Variants in CAST observed in about 807,000 individuals in gnomAD.
The protein encoded by CAST is calpastatin.
A neutral mutation model predicts 119.6 loss-of-function variants in CAST; 76 were observed. The ratio of observed to expected loss-of-function variants is 0.64; its 90% confidence interval spans 0.53 to 0.77. The LOEUF (loss-of-function observed/expected upper bound fraction) is 0.77. Among genes scored for constraint, CAST ranks in the 30% least tolerant of loss-of-function variants. The pLI is 0.00. For missense variants in CAST, 953 were observed against 946.5 expected, an observed-to-expected ratio of 1.01 and a Z score of -0.09; for synonymous variants, 319 against 331.6, an observed-to-expected ratio of 0.96 and a Z score of 0.41.
intron 25 of CAST, chr5:96,763,312 T>A: frequency 3.9e-6 from 3 of 777,662 alleles, no homozygotes; most frequent in Non-Finnish European, 7.2e-6. Flanking sequence ...TCCTGGATTA[T>A]AATAAAGCAC....
chr5:96,230,255 G>A, the CAST span, among the ~76,000 whole-genome samples: 1 of 152,146 alleles, frequency 6.6e-6, no homozygotes, highest in South Asian at 2.1e-4. Context: ...CTAGGCAGAG[G>A]CACAAAGTCT....
At chr5:96,463,455 G>A in the CAST span, among the ~76,000 whole-genome samples, 2 of 151,914 alleles carry the variant, frequency 1.3e-5, no homozygotes, top group African/African-American at 4.8e-5. Context: ...CACATTGCAG[G>A]GAAAACACAG....
At chr5:96,724,604 G>A (rs1758906319) in intron 4 of CAST, among the ~76,000 whole-genome samples, 2 of 152,154 alleles carry the variant, frequency 1.3e-5, no homozygotes, top group African/African-American at 4.8e-5. Flanking sequence ...GTCAAGGTGG[G>A]AGGATCGCTT....
the CAST span, among the ~76,000 whole-genome samples, chr5:96,046,315 A>G: frequency 6.6e-6 from 1 of 152,154 alleles, no homozygotes; most frequent in Non-Finnish European, 1.5e-5. Flanking sequence ...AAAGAAAGAA[A>G]TAGAACAAGG....
the CAST span, among the ~76,000 whole-genome samples, chr5:96,455,485 A>G: frequency 1.3e-5 from 2 of 152,246 alleles, no homozygotes; most frequent in Non-Finnish European, 2.9e-5. Flanking sequence ...AATTAAAAAG[A>G]GTTTCATTTG....
At chr5:96,092,758 C>T in the CAST span, among the ~76,000 whole-genome samples, 4 of 152,168 alleles carry the variant, frequency 2.6e-5, no homozygotes, top group Non-Finnish European at 4.4e-5. Context: ...CTCTTAAATT[C>T]TACTTTTCAG....
At chr5:96,361,535 G>A in the CAST span, among the ~76,000 whole-genome samples, 1 of 152,184 alleles carries the variant, frequency 6.6e-6, no homozygotes, top group African/African-American at 2.4e-5. Context: ...GGGCTGGAAT[G>A]CACTGTTCCT....
At chr5:96,425,248 CACCCTGCAGGTAGACAGCAACACTTA>C in the CAST span, among the ~76,000 whole-genome samples, 1 of 152,210 alleles carries the variant, frequency 6.6e-6, no homozygotes, top group Non-Finnish European at 1.5e-5. Flanking sequence ...GAAGAGAGGA[CACCCTGCAGGTAGACAGCAACACTTA>C]ACAATTTCTT....
At chr5:96,447,383 A>T in the CAST span, among the ~76,000 whole-genome samples, 6 of 152,230 alleles carry the variant, frequency 3.9e-5, 1 homozygote, top group Non-Finnish European at 7.3e-5. Flanking sequence ...TAGGAAGTTA[A>T]ATAGCAGCTG....
the CAST span, among the ~76,000 whole-genome samples, chr5:96,097,574 A>G: frequency 6.6e-6 from 1 of 152,128 alleles, no homozygotes; most frequent in Non-Finnish European, 1.5e-5. Flanking sequence ...AAGTGACAAC[A>G]TGTGGTATTT....
chr5:96,235,683 C>G, the CAST span, among the ~76,000 whole-genome samples: 1 of 152,134 alleles, frequency 6.6e-6, no homozygotes, highest in South Asian at 2.1e-4. Context: ...CTCCCCACAC[C>G]ATGGCCCTAA....
chr5:95,999,265 T>C, the CAST span, among the ~76,000 whole-genome samples: 56 of 152,276 alleles, frequency 3.7e-4, 1 homozygote, highest in East Asian at 8.9e-3. Flanking sequence ...TGTTTTGCCT[T>C]GCATAACTTT....
chr5:96,535,414 T>C (rs1300825394), intron 1 of CAST, among the ~76,000 whole-genome samples: 1 of 152,084 alleles, frequency 6.6e-6, no homozygotes, highest in African/African-American at 2.4e-5. Context: ...AAAATGTTAT[T>C]TAGAAATATG....
At chr5:96,307,107 G>C in the CAST span, among the ~76,000 whole-genome samples, 1 of 152,192 alleles carries the variant, frequency 6.6e-6, no homozygotes, top group Admixed American at 6.5e-5. Flanking sequence ...AGGTCTTTTA[G>C]AAGTTGCTTT....
chr5:96,753,466 G>A (rs1000518065), intron 20 of CAST, among the ~76,000 whole-genome samples: 29 of 152,186 alleles, frequency 1.9e-4, no homozygotes, highest in African/African-American at 6.8e-4. Flanking sequence ...CATTACATTT[G>A]GGGGAGTACA....
the CAST span, among the ~76,000 whole-genome samples, chr5:95,997,559 A>G: frequency 6.6e-6 from 1 of 152,162 alleles, no homozygotes; most frequent in African/African-American, 2.4e-5. Context: ...ATGATTTGGC[A>G]AGAGAAGAGA....
the CAST span, among the ~76,000 whole-genome samples, chr5:96,398,119 A>G: frequency 6.6e-6 from 1 of 152,172 alleles, no homozygotes; most frequent in East Asian, 1.9e-4. Context: ...AAAGCATTCC[A>G]CCAATATTTC....
chr5:96,608,056 T>A (rs1458837692), intron 1 of CAST, among the ~76,000 whole-genome samples: 1 of 152,160 alleles, frequency 6.6e-6, no homozygotes, highest in African/African-American at 2.4e-5. Context: ...CCAGAACTTA[T>A]TGCTCCTGTC....
chr5:96,522,384 A>T (rs1262026444), upstream of CAST, among the ~76,000 whole-genome samples: 1 of 152,092 alleles, frequency 6.6e-6, no homozygotes, highest in Non-Finnish European at 1.5e-5. Flanking sequence ...TCACCTACTT[A>T]TTACCTCCTA....
Sources: gnomAD v4.1 joint callset for allele counts (sites outside exome capture counted in the v4.1 genomes callset) on GRCh38, gnomAD v4.1.1 for gene constraint, MANE v1.5 for transcripts, NCBI Gene and HGNC (gene_info 2026-07-23, HGNC 2026-07-21) for gene names.